The following PLEKHM3 variants were observed in gnomAD, a reference collection of about 807,000 sequenced individuals.
The protein encoded by PLEKHM3 is pleckstrin homology domain-containing family M member 3.
In PLEKHM3, 45 loss-of-function variants were observed where a neutral mutation model predicts 81.8. That is an observed-to-expected ratio of 0.55 (90% confidence interval 0.43 to 0.71). PLEKHM3 has a LOEUF of 0.71. Among genes scored for constraint, PLEKHM3 ranks in the 30% least tolerant of loss-of-function variants. PLEKHM3 has a pLI of 0.00. For missense variants in PLEKHM3, 788 were observed against 924.3 expected, an observed-to-expected ratio of 0.85 and a Z score of 1.91; for synonymous variants, 352 against 356.4, an observed-to-expected ratio of 0.99 and a Z score of 0.14.
intron 3 of PLEKHM3, among the ~76,000 whole-genome samples, chr2:207,961,336 T>G (rs1277804547): frequency 6.6e-6 from 1 of 152,176 alleles, no homozygotes; most frequent in African/African-American, 2.4e-5. Flanking sequence ...TTCAGCAAAG[T>G]TTTTGGTTCA....
chr2:207,974,792 T>C (rs551756856), intron 3 of PLEKHM3, among the ~76,000 whole-genome samples: 1 of 152,214 alleles, frequency 6.6e-6, no homozygotes, highest in South Asian at 2.1e-4. Context: ...TTAACACAGG[T>C]CTTTCATACC....
chr2:207,869,991 A>C (rs1332575697), intron 6 of PLEKHM3: 1 of 152,222 alleles, frequency 6.6e-6, no homozygotes, highest in Non-Finnish European at 1.5e-5. Context: ...GACCAATCAA[A>C]AATTACAATT....
intron 5 of PLEKHM3, among the ~76,000 whole-genome samples, chr2:207,920,680 T>A (rs1247767353): frequency 1.3e-5 from 2 of 151,926 alleles, no homozygotes. Context: ...AGTATTACTA[T>A]GTTCTTACGT....
chr2:208,010,168 A>G (rs1389863239), intron 1 of PLEKHM3, among the ~76,000 whole-genome samples: 1 of 152,224 alleles, frequency 6.6e-6, no homozygotes, highest in African/African-American at 2.4e-5. Context: ...CCAACAATCC[A>G]TTTAAAGCAT....
intron 6 of PLEKHM3, among the ~76,000 whole-genome samples, chr2:207,862,599 T>C (rs968760411): frequency 2.0e-5 from 3 of 151,756 alleles, no homozygotes; most frequent in African/African-American, 4.8e-5. Flanking sequence ...GGTCACACCA[T>C]TGCACTCCAG....
chr2:207,880,238 C>T (rs1033043542), intron 6 of PLEKHM3, among the ~76,000 whole-genome samples: 1 of 152,016 alleles, frequency 6.6e-6, no homozygotes, highest in Non-Finnish European at 1.5e-5. Flanking sequence ...AAAACCCCAT[C>T]TCTACTAAAA....
intron 2 of PLEKHM3, among the ~76,000 whole-genome samples, chr2:207,978,715 T>C (rs576197686): frequency 5.8e-4 from 89 of 152,160 alleles, no homozygotes; most frequent in Non-Finnish European, 1.1e-3. Context: ...TTCCACAGGC[T>C]TCAATCAGCA....
intron 3 of PLEKHM3, among the ~76,000 whole-genome samples, chr2:207,963,907 G>T (rs1376492946): frequency 6.6e-6 from 1 of 152,180 alleles, no homozygotes; most frequent in Non-Finnish European, 1.5e-5. Context: ...AGTATGGGTT[G>T]ACTCATTCAC....
intron 1 of PLEKHM3, among the ~76,000 whole-genome samples, chr2:208,023,725 T>G (rs1340129756): frequency 6.6e-6 from 1 of 152,104 alleles, no homozygotes. Context: ...CCACCCGCTC[T>G]GTGGAAAAAT....
chr2:207,838,511 T>C (rs1171600995), intron 7 of PLEKHM3, among the ~76,000 whole-genome samples: 1 of 152,254 alleles, frequency 6.6e-6, no homozygotes, highest in East Asian at 1.9e-4. Context: ...ACTGGGGACA[T>C]TAACTCACTG....
At chr2:208,012,812 T>C (rs1265956882) in intron 1 of PLEKHM3, among the ~76,000 whole-genome samples, 1 of 152,208 alleles carries the variant, frequency 6.6e-6, no homozygotes, top group East Asian at 1.9e-4. Flanking sequence ...GTGGACAAAG[T>C]ATGTGAAAGT....
At chr2:207,935,058 CA>C (rs2105947719) in intron 4 of PLEKHM3, among the ~76,000 whole-genome samples, 1 of 152,166 alleles carries the variant, frequency 6.6e-6, no homozygotes, top group Admixed American at 6.5e-5. Context: ...GAAAATGTAT[CA>C]GAATAAAACA....
At chr2:207,900,044 G>A (rs1265840208) in intron 6 of PLEKHM3, 1 of 152,170 alleles carries the variant, frequency 6.6e-6, no homozygotes, top group Non-Finnish European at 1.5e-5. Context: ...AAACCTAGTG[G>A]TGCAAAACAA....
intron 7 of PLEKHM3, among the ~76,000 whole-genome samples, chr2:207,840,805 T>TAA: frequency 7.5e-6 from 1 of 132,820 alleles, no homozygotes; most frequent in East Asian, 2.0e-4. Flanking sequence ...TTATGTTTTT[T>TAA]TTTTTTTTTT....
Position 207,821,887 on chromosome 2 carries a change from T to G in PLEKHM3, c.*6432A>C, listed in dbSNP as rs2092219955. 1 of 152,150 alleles carries G rather than the reference T, an allele frequency of 6.6e-6. No homozygotes were observed. The highest frequency in any genetic ancestry group is 2.1e-4 in the South Asian group (1 of 4,832). 9.4% of individuals were successfully genotyped at this position (152,150 alleles called of 1,614,324 possible). A position where few individuals can be genotyped will look rare whatever the true frequency, so the allele number is the denominator to read the frequency against. ...AGCCGCTGCGGCCAACCACTTTCCC[T>G]CCTTTGGCCATTCCTTCTTTTAGCT... On this transcript the variant is annotated 3_prime_UTR_variant, in exon 8 of 8. Coordinates refer to ENST00000427836, the MANE Select transcript of PLEKHM3 (RefSeq NM_001080475.3).
intron 5 of PLEKHM3, among the ~76,000 whole-genome samples, chr2:207,911,398 C>T (rs533437228): frequency 6.6e-6 from 1 of 152,250 alleles, no homozygotes; most frequent in African/African-American, 2.4e-5. Flanking sequence ...ACCCTTTATC[C>T]AGCTTCCCCT....
At chr2:207,973,740 AAAAAAAAAG>A (rs1413758979) in intron 3 of PLEKHM3, among the ~76,000 whole-genome samples, 4 of 150,838 alleles carry the variant, frequency 2.7e-5, no homozygotes, top group South Asian at 2.1e-4. Context: ...ACTCCATCTC[AAAAAAAAAG>A]AAAAAAAAGA....
At chr2:207,830,051 G>T (rs950448760) in intron 7 of PLEKHM3, among the ~76,000 whole-genome samples, 3 of 152,128 alleles carry the variant, frequency 2.0e-5, no homozygotes, top group African/African-American at 4.8e-5. Flanking sequence ...AAGAGAAAGT[G>T]TGTGTGTATG....
chr2:207,866,139 T>G (rs2092499519), intron 6 of PLEKHM3, among the ~76,000 whole-genome samples: 1 of 152,062 alleles, frequency 6.6e-6, no homozygotes, highest in Non-Finnish European at 1.5e-5. Flanking sequence ...ACATACCATC[T>G]CTTCCCTCAA....
Sources: gnomAD v4.1 joint callset for allele counts (sites outside exome capture counted in the v4.1 genomes callset) on GRCh38, gnomAD v4.1.1 for gene constraint, MANE v1.5 for transcripts, NCBI Gene and HGNC (gene_info 2026-07-23, HGNC 2026-07-21) for gene names.